Variants in SSBP2 observed in about 807,000 individuals in gnomAD.
SSBP2 encodes the protein single-stranded DNA-binding protein 2.
A neutral mutation model predicts 61.8 loss-of-function variants in SSBP2; 17 were observed. That is an observed-to-expected ratio of 0.28 (90% CI 0.19 to 0.41). The LOEUF is 0.41. SSBP2 is among the 10% of genes least tolerant of loss of function. The pLI is 1.00. For synonymous variants in SSBP2, 139 were observed against 141.3 expected (o/e 0.98, Z 0.12); for missense variants, 310 against 458.7 (o/e 0.68, Z 2.96).
chr5:81,714,014 C>T (rs528779924), intron 1 of SSBP2, among the ~76,000 whole-genome samples: 7 of 152,190 alleles, frequency 4.6e-5, no homozygotes, highest in South Asian at 2.1e-4. Flanking sequence ...CCCATCAACC[C>T]GTCATCTACA....
intron 4 of SSBP2, among the ~76,000 whole-genome samples, chr5:81,546,306 G>A (rs547725901): frequency 6.6e-6 from 1 of 152,106 alleles, no homozygotes; most frequent in Admixed American, 6.5e-5. Flanking sequence ...TCCAAAGCTT[G>A]TATTCTTGAT....
At chr5:81,658,613 A>T (rs1247144321) in intron 1 of SSBP2, among the ~76,000 whole-genome samples, 1 of 152,138 alleles carries the variant, frequency 6.6e-6, no homozygotes. Context: ...TTGAATGCAG[A>T]ATCCACAGAT....
At chr5:81,650,973 T>C (rs887766975) in intron 1 of SSBP2, among the ~76,000 whole-genome samples, 4 of 152,140 alleles carry the variant, frequency 2.6e-5, no homozygotes, top group Admixed American at 2.0e-4. Context: ...GTTTAAAGGT[T>C]AACAAAATTA....
intron 1 of SSBP2, among the ~76,000 whole-genome samples, chr5:81,743,181 A>G (rs916191929): frequency 6.6e-6 from 1 of 152,198 alleles, no homozygotes; most frequent in Non-Finnish European, 1.5e-5. Context: ...CAATTCCTCC[A>G]TTTTAAAAAC....
intron 2 of SSBP2, among the ~76,000 whole-genome samples, chr5:81,644,643 T>C (rs1749104068): frequency 6.6e-6 from 1 of 152,172 alleles, no homozygotes; most frequent in African/African-American, 2.4e-5. Context: ...GAATCTTTCA[T>C]ACAAAAGAGC....
intron 1 of SSBP2, among the ~76,000 whole-genome samples, chr5:81,659,039 A>C (rs1750466532): frequency 6.6e-6 from 1 of 152,224 alleles, no homozygotes; most frequent in South Asian, 2.1e-4. Flanking sequence ...GTGATTTATG[A>C]CAAACCCATA....
chr5:81,659,229 T>G (rs2153736267), intron 1 of SSBP2, among the ~76,000 whole-genome samples: 1 of 152,248 alleles, frequency 6.6e-6, no homozygotes, highest in East Asian at 1.9e-4. Context: ...TCAAATTGTC[T>G]CTGTTCGTAG....
At chr5:81,732,626 CAAAT>C (rs1485048329) in intron 1 of SSBP2, among the ~76,000 whole-genome samples, 1 of 152,064 alleles carries the variant, frequency 6.6e-6, no homozygotes, top group Non-Finnish European at 1.5e-5. Flanking sequence ...ATTACATATG[CAAAT>C]AAATAAAAGC....
At chr5:81,502,950 A>C (rs1343492611) in intron 5 of SSBP2, among the ~76,000 whole-genome samples, 1 of 152,244 alleles carries the variant, frequency 6.6e-6, no homozygotes, top group Non-Finnish European at 1.5e-5. Flanking sequence ...AGCATCTATT[A>C]ATATAAGGCA....
chr5:81,447,254 T>A (rs1006373179), intron 11 of SSBP2, among the ~76,000 whole-genome samples: 10 of 152,210 alleles, frequency 6.6e-5, no homozygotes, highest in Admixed American at 6.5e-4. Context: ...TTCATATGTA[T>A]TTTTAGTTTT....
At chr5:81,623,501 A>AT (rs1746834614) in intron 3 of SSBP2, among the ~76,000 whole-genome samples, 1 of 151,312 alleles carries the variant, frequency 6.6e-6, no homozygotes. Context: ...GCGCCCAGCT[A>AT]ATTTTTTGTA....
chr5:81,533,007 A>G (rs1365805430), intron 4 of SSBP2, among the ~76,000 whole-genome samples: 1 of 152,018 alleles, frequency 6.6e-6, no homozygotes, highest in Non-Finnish European at 1.5e-5. Context: ...AATATAAAAT[A>G]CTAGAACCAA....
In SSBP2 at chr5:81,413,186, A is replaced by G. The variant is rs532233924; in HGVS notation, c.*7318T>C. Reference sequence around the variant, plus strand: ...GTGCCAAATTAAGGGTCATTTATGTACATCTTTATGGCAACTTATCCCATT... The same window carrying G: ...GTGCCAAATTAAGGGTCATTTATGTGCATCTTTATGGCAACTTATCCCATT... On this transcript the variant is annotated 3_prime_UTR_variant, in exon 17 of 17. Coordinates refer to ENST00000320672, the MANE Select transcript of SSBP2 (RefSeq NM_012446.5). 6.6e-6 allele frequency: 1 copy of G among 152,354 alleles called. No homozygotes were observed. The highest frequency in any genetic ancestry group is 2.1e-4 in the South Asian group (1 of 4,826). The allele number at this position is 152,354 out of a possible 1,614,324, so 9.4% of individuals were successfully genotyped here. A position where few individuals can be genotyped will look rare whatever the true frequency, so the allele number is the denominator to read the frequency against.
intron 2 of SSBP2, among the ~76,000 whole-genome samples, chr5:81,637,527 T>C (rs1481561700): frequency 6.6e-6 from 1 of 152,224 alleles, no homozygotes; most frequent in Non-Finnish European, 1.5e-5. Context: ...ATTAAAAATA[T>C]CTTCATTTTA....
intron 3 of SSBP2, among the ~76,000 whole-genome samples, chr5:81,624,101 T>C (rs1746904325): frequency 6.6e-6 from 1 of 152,158 alleles, no homozygotes; most frequent in Non-Finnish European, 1.5e-5. Flanking sequence ...GATCAGTAAA[T>C]CTTCAATTTT....
intron 1 of SSBP2, among the ~76,000 whole-genome samples, chr5:81,703,156 T>C (rs1468783492): frequency 6.6e-6 from 1 of 152,246 alleles, no homozygotes; most frequent in Non-Finnish European, 1.5e-5. Context: ...TATTAAATTA[T>C]AAAAACCTTT....
At chr5:81,689,588 CTAGAAT>C (rs1753060682) in intron 1 of SSBP2, among the ~76,000 whole-genome samples, 1 of 151,714 alleles carries the variant, frequency 6.6e-6, no homozygotes, top group Admixed American at 6.6e-5. Context: ...AAAAAAACTT[CTAGAAT>C]AATATATCCA....
rs537296550 is a variant in SSBP2, at chr5:81,420,158, T to C, written c.*346A>G. The C allele has an allele frequency of 1.4e-5, 3 of 221,210 alleles. No homozygotes were observed. The highest frequency in any genetic ancestry group is 9.7e-5 in the East Asian group (1 of 10,352). 13.7% of individuals were successfully genotyped at this position (221,210 alleles called of 1,614,324 possible). On this transcript the variant is annotated 3_prime_UTR_variant, in exon 17 of 17. Coordinates refer to ENST00000320672, the MANE Select transcript of SSBP2 (RefSeq NM_012446.5). ...CTACTTATTTCTACTTAAGATGTCA[T>C]GTGATAATATTTTACAATGTCCTGT...
chr5:81,510,978 G>A (rs574354013), intron 5 of SSBP2, among the ~76,000 whole-genome samples: 15 of 152,128 alleles, frequency 9.9e-5, no homozygotes, highest in Non-Finnish European at 1.3e-4. Context: ...CAAGGCCCCT[G>A]CAGTCCCTCT....
Sources: allele counts gnomAD v4.1 joint callset (sites outside exome capture counted in the v4.1 genomes callset), GRCh38; gene constraint gnomAD v4.1.1; transcripts MANE v1.5; gene names NCBI Gene and HGNC (gene_info 2026-07-23, HGNC 2026-07-21).